LRRC7: variants seen among roughly 807,000 people sequenced by gnomAD.
The protein encoded by LRRC7 is leucine-rich repeat-containing protein 7.
LRRC7 carries 23 observed loss-of-function variants against 175.7 expected under a neutral mutation model. That is an observed-to-expected ratio of 0.13 (90% CI 0.09 to 0.19). The LOEUF (loss-of-function observed/expected upper bound fraction) is 0.19. Ranked by LOEUF, LRRC7 falls within the 10% of genes least tolerant of loss-of-function variation. LRRC7 has a pLI of 1.00. For missense variants in LRRC7, 1,354 were observed against 1,904.7 expected, an observed-to-expected ratio of 0.71 and a Z score of 5.38; for synonymous variants, 685 against 680.9, an observed-to-expected ratio of 1.01 and a Z score of -0.09.
chr1:69,758,427 T>C (rs1670669989), intron 2 of LRRC7, among the ~76,000 whole-genome samples: 1 of 152,056 alleles, frequency 6.6e-6, no homozygotes, highest in South Asian at 2.1e-4. Context: ...AGTTGAACAA[T>C]GAAAAAGGAT....
chr1:69,623,464 C>T (rs1650966334), intron 1 of LRRC7, among the ~76,000 whole-genome samples: 2 of 150,940 alleles, frequency 1.3e-5, no homozygotes, highest in African/African-American at 4.9e-5. Flanking sequence ...ATAAACCTAC[C>T]ATAAACCTAA....
Position 69,678,453 on chromosome 1 carries a change from A to G in LRRC7, c.75A>G (p.Ala25=), listed in dbSNP as rs747242294. Residue 25 remains alanine, a synonymous_variant, in exon 2 of 27, where the codon GCA becomes GCG. Transcript: ENST00000651989. ...QRSPCKEVRA[A]LRKRPEEELQ... ...GTCCTTGTAAAGAGGTTCGTGCAGC[A>G]CTTCGGAAGAGGCCTGAAGAGGAGT... is the stretch of plus-strand genomic sequence containing the variant. 1.2e-6 allele frequency: 2 copies of G among 1,604,738 alleles called. No individual in the cohort carries two copies. Among genetic ancestry groups the G allele is most frequent in the Non-Finnish European group, 1.7e-6 (2 of 1,175,892 alleles).
At chr1:69,805,610 TC>T (rs1214386521) in intron 4 of LRRC7, among the ~76,000 whole-genome samples, 2 of 151,884 alleles carry the variant, frequency 1.3e-5, no homozygotes, top group East Asian at 3.9e-4. Flanking sequence ...AAGACTACCT[TC>T]CCTTTGTACA....
intron 4 of LRRC7, among the ~76,000 whole-genome samples, chr1:69,806,876 C>G (rs1264011909): frequency 6.6e-6 from 1 of 151,922 alleles, no homozygotes; most frequent in Non-Finnish European, 1.5e-5. Flanking sequence ...TAAATGATAC[C>G]ATCAGCTATA....
chr1:69,683,620 G>T (rs374073680), intron 2 of LRRC7, among the ~76,000 whole-genome samples: 2 of 151,964 alleles, frequency 1.3e-5, no homozygotes, highest in South Asian at 2.1e-4. Flanking sequence ...AACCTGGAAA[G>T]GAAGAGTTTG....
Position 69,869,689 on chromosome 1 carries a change from A to C in LRRC7, c.647+31406A>C, listed in dbSNP as rs529824413. Among the ~76,000 whole-genome samples, 5 of 152,260 alleles carry C rather than the reference A, an allele frequency of 3.3e-5. No individual in the cohort carries two copies. The East Asian group carries it at 9.6e-4, about 29-fold the overall frequency. ...CAGAGAACAAGCCCCTGAAAGAGAC[A>C]GTAAAGTATGAGGTGAAGCAGGAAA... is the stretch of plus-strand genomic sequence containing the variant. On this transcript the variant is annotated intron_variant, in intron 7 of 26. Transcript: ENST00000651989.
At position 69,756,610 on chromosome 1, in the gene LRRC7, A is replaced by T. The variant is rs529165896; in HGVS notation, c.101-3581A>T. On this transcript the variant is annotated intron_variant, in intron 2 of 26. Transcript: ENST00000651989. ...AAATATGATAAATAAAAACTTTTTTATTTATAAAGAAAAGGTATTTCTGAC... is the reference window on the plus strand; with the variant it reads ...AAATATGATAAATAAAAACTTTTTTTTTTATAAAGAAAAGGTATTTCTGAC... Among the ~76,000 whole-genome samples, 592 of 151,968 alleles carry T rather than the reference A, an allele frequency of 3.9e-3. 1 individual carries two copies. Among genetic ancestry groups the T allele is most frequent in the African/African-American group, 0.013 (557 of 41,510 alleles).
chr1:69,952,815 G>C lies in LRRC7; in HGVS notation c.711+21245G>C, dbSNP rs10158022. ...ATAGAGAAAACCCTAGTGGTGCGTG[G>C]TCCTCCTACATGCTGTGGGAGCCCT... On this transcript the variant is annotated intron_variant, in intron 8 of 26. Coordinates refer to ENST00000651989, the MANE Select transcript of LRRC7 (RefSeq NM_001370785.2). Among the ~76,000 whole-genome samples, 829 of 151,758 alleles carry C rather than the reference G, an allele frequency of 5.5e-3. 9 individuals are homozygous for C. The highest frequency in any genetic ancestry group is 0.019 in the African/African-American group (772 of 41,402).
intron 1 of LRRC7, among the ~76,000 whole-genome samples, chr1:69,657,108 TTGTG>T (rs1016002248): frequency 6.6e-6 from 1 of 151,184 alleles, no homozygotes; most frequent in Non-Finnish European, 1.5e-5. Context: ...GATACTTATA[TTGTG>T]TGTGTGTGTA....
intron 3 of LRRC7, among the ~76,000 whole-genome samples, chr1:69,769,315 A>C (rs1239869854): frequency 1.3e-5 from 2 of 152,192 alleles, no homozygotes; most frequent in Non-Finnish European, 2.9e-5. Context: ...AATAATATAA[A>C]GTATGTGAAA....
At chr1:70,101,570 T>TAAA (rs961423685) in intron 25 of LRRC7, among the ~76,000 whole-genome samples, 5 of 152,202 alleles carry the variant, frequency 3.3e-5, no homozygotes, top group African/African-American at 1.2e-4. Context: ...CTAAGTCCTT[T>TAAA]AAGGTTTATG....
chr1:69,583,139 G>A (rs1646267013), intron 1 of LRRC7, among the ~76,000 whole-genome samples: 2 of 151,528 alleles, frequency 1.3e-5, no homozygotes, highest in South Asian at 4.2e-4. Flanking sequence ...TTTAGGAATG[G>A]ACATACTTAA....
chr1:69,925,095 A>G (rs925663330), intron 7 of LRRC7, among the ~76,000 whole-genome samples: 13 of 152,280 alleles, frequency 8.5e-5, no homozygotes, highest in African/African-American at 3.1e-4. Flanking sequence ...TATATGCTGG[A>G]TTACATTTAT....
intron 22 of LRRC7, among the ~76,000 whole-genome samples, chr1:70,052,521 C>G (rs1660826388): frequency 6.6e-6 from 1 of 152,098 alleles, no homozygotes; most frequent in African/African-American, 2.4e-5. Context: ...AAATCTTGCA[C>G]TATGCCAGTG....
Position 69,994,609 on chromosome 1 carries a change from C to G in LRRC7, c.980C>G (p.Thr327Arg). The G allele has an allele frequency of 6.2e-7, 1 of 1,611,172 alleles. No homozygotes were observed. Among genetic ancestry groups the G allele is most frequent in the Non-Finnish European group, 8.5e-7 (1 of 1,178,340 alleles). The change falls in exon 11 of 27, where the codon ACA becomes AGA. Residue 327 changes from threonine to arginine, a missense_variant. By Grantham distance (71) the Thr-to-Arg change is moderately conservative. This residue lies in a region of LRRC7 where 201 missense variants were observed against 481.4 expected (regional missense o/e 0.42). Coordinates refer to ENST00000651989, the MANE Select transcript of LRRC7 (RefSeq NM_001370785.2). ...CTAAAAGTAGATGACAATCAACTTACAATGCTACCCAATACAATTGGAAAG... is the reference window on the plus strand; with the variant it reads ...CTAAAAGTAGATGACAATCAACTTAGAATGCTACCCAATACAATTGGAAAG... Reference protein sequence around the residue: ...TTLKVDDNQLTMLPNTIGNLS... With the variant: ...TTLKVDDNQLRMLPNTIGNLS...
At chr1:69,612,383 A>C (rs928492609) in intron 1 of LRRC7, among the ~76,000 whole-genome samples, 5 of 152,008 alleles carry the variant, frequency 3.3e-5, no homozygotes, top group African/African-American at 1.2e-4. Context: ...CAATAACTTG[A>C]AAATACTTGA....
At chr1:69,588,893 T>G (rs1036868668) in intron 1 of LRRC7, among the ~76,000 whole-genome samples, 1 of 152,118 alleles carries the variant, frequency 6.6e-6, no homozygotes, top group South Asian at 2.1e-4. Context: ...TTCTGTTTCC[T>G]TGACAAACTT....
At chr1:69,630,607 T>C (rs1168748541) in intron 1 of LRRC7, among the ~76,000 whole-genome samples, 1 of 148,310 alleles carries the variant, frequency 6.7e-6, no homozygotes, top group Non-Finnish European at 1.5e-5. Context: ...TTAATCATTT[T>C]ACTTCAGTTT....
chr1:69,839,604 AAACATGGCT>A (rs778051015), intron 7 of LRRC7, among the ~76,000 whole-genome samples: 1 of 152,142 alleles, frequency 6.6e-6, no homozygotes, highest in Non-Finnish European at 1.5e-5. Context: ...AAGTAAGTGG[AAACATGGCT>A]AACTGGAAGC....
Sources: allele counts gnomAD v4.1 joint callset (sites outside exome capture counted in the v4.1 genomes callset), GRCh38; gene constraint gnomAD v4.1.1; regional missense constraint gnomAD v4.1.1; transcripts MANE v1.5; gene names NCBI Gene and HGNC (gene_info 2026-07-23, HGNC 2026-07-21).